The following HSF5 variants were observed in gnomAD, a reference collection of about 807,000 sequenced individuals.
The protein encoded by HSF5 is heat shock factor protein 5.
Under a neutral mutation model 50.8 loss-of-function variants are expected in HSF5, and 5 were observed. The ratio of observed to expected loss-of-function variants is 0.10; its 90% CI spans 0.05 to 0.21. The LOEUF (loss-of-function observed/expected upper bound fraction) is 0.21. HSF5 is among the 10% of genes least tolerant of loss of function. The probability of loss-of-function intolerance (pLI) is 1.00; values close to 1 mark genes in which losing one functional copy is unlikely to be tolerated. For missense variants in HSF5, 564 were observed against 762.6 expected (o/e 0.74, Z 3.07); for synonymous variants, 307 against 307.4 (o/e 1.00, Z 0.02).
chr17:58,458,861 C>T lies in HSF5; in HGVS notation c.1627G>A (p.Gly543Arg). The T allele has an allele frequency of 6.2e-7, 1 of 1,614,010 alleles. No individual in the cohort carries two copies. Among genetic ancestry groups the T allele is most frequent in the African/African-American group, 1.3e-5 (1 of 75,046 alleles). ...EQMGFLISEM[G>R]PASKPSEDTG... is the part of the protein sequence containing the mutation. ...TCTTCACTAGGCTTGCTAGCAGGCC[C>T]CATTTCTGAAATGAGGAATCCCATC... Residue 543 changes from glycine (G) to arginine (R), a missense_variant, in exon 5 of 6, where the codon GGG becomes AGG. Physicochemically the swap from Gly to Arg is moderately radical, Grantham distance 125. Around this residue, in one of 5 missense-constraint regions of HSF5, gnomAD observed 441 missense variants for 533.6 expected, o/e 0.83. Transcript: ENST00000323777.
Position 58,480,048 on chromosome 17 carries a change from A to T in HSF5, c.770T>A (p.Val257Glu), listed in dbSNP as rs763763661. The change falls in exon 2 of 6, where the codon GTA (valine) becomes GAA (glutamate). Residue 257 changes from valine to glutamate, a missense_variant. Physicochemically the swap from Val to Glu is moderately radical, Grantham distance 121. Coordinates refer to ENST00000323777, the MANE Select transcript of HSF5 (RefSeq NM_001080439.3). ...TFSDKGVPFPVLQRFPTEVTY... is the reference protein window; with the variant it reads ...TFSDKGVPFPELQRFPTEVTY... ...AACCTCAGTTGGAAACCTCTGGAGT[A>T]CAGGAAACGGAACCCCTTTATCTGA... 1.9e-6 allele frequency: 3 copies of T among 1,614,182 alleles called. No individual in the cohort carries two copies. Among genetic ancestry groups the T allele is most frequent in the Non-Finnish European group, 2.5e-6 (3 of 1,180,024 alleles).
rs574134247 is a variant in HSF5 at position 58,480,000 on chromosome 17, G to A, written c.818C>T (p.Thr273Ile). ...TEVTYTLQPS[T>I]TSVHVQQGPQ... ...ACCTTGTTGAACATGTACAGATGTG[G>A]TGCTGGGCTGCAGTGTATAGGTAAC... is the stretch of plus-strand genomic sequence containing the variant. Residue 273 changes from threonine to isoleucine, a missense_variant, in exon 2 of 6, where the codon ACC becomes ATC. By Grantham distance (89) the Thr-to-Ile change is moderately conservative. Transcript: ENST00000323777. 5.1e-5 allele frequency: 83 copies of A among 1,614,154 alleles called. No homozygotes were observed. The South Asian group carries it at 8.3e-4, about 16-fold the overall frequency.
chr17:58,481,991 C>A (rs1975103685), intron 1 of HSF5, among the ~76,000 whole-genome samples: 1 of 152,036 alleles, frequency 6.6e-6, no homozygotes. Context: ...CACAGTGAGA[C>A]CCTGTTTCGA....
chr17:58,439,900 CAGAG>C (rs1463652470), intron 5 of HSF5, among the ~76,000 whole-genome samples: 3 of 150,184 alleles, frequency 2.0e-5, no homozygotes, highest in Non-Finnish European at 3.0e-5. Flanking sequence ...AAGAAAAAAA[CAGAG>C]AGAGAAGTTC....
intron 5 of HSF5, among the ~76,000 whole-genome samples, chr17:58,442,930 CAG>C (rs1223963126): frequency 6.7e-6 from 1 of 149,398 alleles, no homozygotes; most frequent in Admixed American, 6.7e-5. Flanking sequence ...TTTTTTGAGA[CAG>C]AGTTTCGCTC....
At position 58,421,341 on chromosome 17, in the gene HSF5, A is replaced by G. The variant is rs371055358; in HGVS notation, c.*1019T>C. On this transcript the variant is annotated 3_prime_UTR_variant, in exon 6 of 6. Transcript: ENST00000323777. ...GCATAGCTTCTACTAAATGGCTGCT[A>G]ATCAGTTTTTTCCCAAATTTGCACA... 2 of 152,662 alleles carry G rather than the reference A, an allele frequency of 1.3e-5. No homozygotes were observed. The highest frequency in any genetic ancestry group is 4.1e-4 in the South Asian group (2 of 4,830). 9.5% of individuals were successfully genotyped at this position (152,662 alleles called of 1,614,324 possible). A position where few individuals can be genotyped will look rare whatever the true frequency, so the allele number is the denominator to read the frequency against.
At chr17:58,431,310 T>C (rs1974362329) in intron 5 of HSF5, among the ~76,000 whole-genome samples, 1 of 152,172 alleles carries the variant, frequency 6.6e-6, no homozygotes, top group African/African-American at 2.4e-5. Context: ...CTATTTCTCT[T>C]AGGATACAAA....
chr17:58,447,422 G>T (rs1294270867), intron 5 of HSF5, among the ~76,000 whole-genome samples: 1 of 152,232 alleles, frequency 6.6e-6, no homozygotes, highest in Admixed American at 6.5e-5. Context: ...GTACTGTGCT[G>T]CTCTGTGATG....
At chr17:58,422,552 G>A in intron 5 of HSF5, 122 bp from the exon 6 acceptor site, 1 of 639,918 alleles carries the variant, frequency 1.6e-6, no homozygotes, top group African/African-American at 1.8e-5. Flanking sequence ...AAATTGTATA[G>A]TCCCATCAGA....
In HSF5 at chr17:58,488,408, C is replaced by G; in HGVS notation, c.-134G>C. 7.9e-7 allele frequency: 1 copy of G among 1,273,634 alleles called. No individual in the cohort carries two copies. Among genetic ancestry groups the G allele is most frequent in the Non-Finnish European group, 9.9e-7 (1 of 1,014,362 alleles). The allele number at this position is 1,273,634 out of a possible 1,614,324, so 78.9% of individuals were successfully genotyped here. A position where few individuals can be genotyped will look rare whatever the true frequency, so the allele number is the denominator to read the frequency against. On this transcript the variant is annotated 5_prime_UTR_variant, in exon 1 of 6. Transcript: ENST00000323777. This position sits in a 1 kb window ranked among gnomAD's most constrained non-coding sequence, Gnocchi z 4.1. ...CCGCGTACCAGGGACCGTTGGCGCA[C>G]GAGGCCCCGCGGCGCCTCCCAGCGC...
intron 5 of HSF5, among the ~76,000 whole-genome samples, chr17:58,437,171 C>G (rs772519986): frequency 6.6e-6 from 1 of 152,084 alleles, no homozygotes; most frequent in Non-Finnish European, 1.5e-5. Context: ...ATGGACAAGT[C>G]TGGAATTACA....
chr17:58,488,342 G>A lies in HSF5; in HGVS notation c.-68C>T. The A allele has an allele frequency of 7.3e-7, 1 of 1,371,100 alleles. No individual in the cohort carries two copies. The highest frequency in any genetic ancestry group is 9.3e-7 in the Non-Finnish European group (1 of 1,070,306). 84.9% of individuals were successfully genotyped at this position (1,371,100 alleles called of 1,614,324 possible). ...CCACACCGTTCTCGATCCCTCCCCG[G>A]CCTTCGCCTCGCCCTGCCCGCTCCT... is the stretch of plus-strand genomic sequence containing the variant. On this transcript the variant is annotated 5_prime_UTR_variant, in exon 1 of 6. Transcript: ENST00000323777. The surrounding 1 kb of genome is among the most constrained non-coding windows in gnomAD (Gnocchi z 4.1).
At chr17:58,455,439 C>T (rs1048688477) in intron 5 of HSF5, among the ~76,000 whole-genome samples, 1 of 151,790 alleles carries the variant, frequency 6.6e-6, no homozygotes, top group African/African-American at 2.4e-5. Flanking sequence ...TGGATAAGAC[C>T]TCGAAAGCAC....
intron 5 of HSF5, among the ~76,000 whole-genome samples, chr17:58,443,052 C>T (rs1030755457): frequency 1.3e-5 from 2 of 152,016 alleles, no homozygotes; most frequent in African/African-American, 2.4e-5. Flanking sequence ...GGACTACAGG[C>T]GCCCACCACC....
Position 58,479,820 on chromosome 17 carries a change from G to A in HSF5, c.925+73C>T. On this transcript the variant is annotated intron_variant, in intron 2 of 5. Coordinates refer to ENST00000323777, the MANE Select transcript of HSF5 (RefSeq NM_001080439.3). ...TGTTAAAGCACATAGACATTAAAAT[G>A]CATTTAAAATATATATATATGCTCA... The A allele has an allele frequency of 7.7e-6, 10 of 1,297,848 alleles. No individual in the cohort carries two copies. The Admixed American group carries it at 2.3e-4, about 30-fold the overall frequency. 80.4% of individuals were successfully genotyped at this position (1,297,848 alleles called of 1,614,324 possible). A position where few individuals can be genotyped will look rare whatever the true frequency, so the allele number is the denominator to read the frequency against.
At chr17:58,423,063 C>T (rs1974247627) in intron 5 of HSF5, among the ~76,000 whole-genome samples, 1 of 152,134 alleles carries the variant, frequency 6.6e-6, no homozygotes, top group South Asian at 2.1e-4. Context: ...TGAATATACA[C>T]ATACAAATAA....
At chr17:58,478,849 G>T (rs1370771981) in intron 2 of HSF5, among the ~76,000 whole-genome samples, 1 of 125,406 alleles carries the variant, frequency 8.0e-6, no homozygotes, top group African/African-American at 3.2e-5. Flanking sequence ...GGCAACAAGA[G>T]TGAAACTCCA....
Position 58,422,269 on chromosome 17 carries a change from G to T in HSF5, c.*91C>A. 2 of 929,638 alleles carry T rather than the reference G, an allele frequency of 2.2e-6. No individual in the cohort carries two copies. Among genetic ancestry groups the T allele is most frequent in the Non-Finnish European group, 3.4e-6 (2 of 594,572 alleles). 57.6% of individuals were successfully genotyped at this position (929,638 alleles called of 1,614,324 possible). On this transcript the variant is annotated 3_prime_UTR_variant, in exon 6 of 6. Transcript: ENST00000323777. ...AAAAAATACTTTTTTTTCCTTAACA[G>T]AACTGAAAAAATCCCAACAGTTTGT... is the stretch of plus-strand genomic sequence containing the variant.
Position 58,487,847 on chromosome 17 carries a change from T to C in HSF5, c.428A>G (p.Glu143Gly), listed in dbSNP as rs1160355489. The C allele has an allele frequency of 6.3e-7, 1 of 1,592,280 alleles. No individual in the cohort carries two copies. Among genetic ancestry groups the C allele is most frequent in the Non-Finnish European group, 8.5e-7 (1 of 1,175,140 alleles). ...GCGGTTGGGCGGGCGGCAGGGCACC[T>C]CCAGGCCGGCCGCCAGCTTGGCCTT... Reference protein sequence around the residue: ...ANKAKLAAGLEVPCRPPNRFQ... With the variant: ...ANKAKLAAGLGVPCRPPNRFQ... The change falls in exon 1 of 6, where the codon GAG becomes GGG. Residue 143 changes from glutamate (E) to glycine (G), a missense_variant. Around this residue, in one of 5 missense-constraint regions of HSF5, gnomAD observed 21 missense variants for 75.9 expected, o/e 0.28. Transcript: ENST00000323777.
Sources: allele counts gnomAD v4.1 joint callset (sites outside exome capture counted in the v4.1 genomes callset), GRCh38; gene constraint gnomAD v4.1.1; regional missense constraint gnomAD v4.1.1; non-coding constraint Gnocchi (gnomAD v3.1); transcripts MANE v1.5; gene names NCBI Gene and HGNC (gene_info 2026-07-23, HGNC 2026-07-21).